The following TRAF7 variants were observed in gnomAD, a reference collection of about 807,000 sequenced individuals.
TRAF7 encodes the protein TNF receptor associated factor 7.
In TRAF7, 45 loss-of-function variants were observed where a neutral mutation model predicts 89.3. The observed-to-expected ratio is 0.50, with a 90% confidence interval of 0.40 to 0.65. The LOEUF (loss-of-function observed/expected upper bound fraction) is 0.65. Ranked by LOEUF, TRAF7 falls within the 30% of genes least tolerant of loss-of-function variation. The probability of loss-of-function intolerance (pLI) is 0.00; values close to 1 mark genes in which losing one functional copy is unlikely to be tolerated. For synonymous variants in TRAF7, 406 were observed against 369.2 expected (o/e 1.10, Z -1.14); for missense variants, 677 against 918.1 (o/e 0.74, Z 3.39).
intron 1 of TRAF7, among the ~76,000 whole-genome samples, chr16:2,160,074 G>A (rs1196210030): frequency 6.6e-6 from 1 of 152,342 alleles, no homozygotes; most frequent in South Asian, 2.1e-4. Context: ...AGGGGCTGGG[G>A]TGGAGGCAGC....
At chr16:2,165,189 G>A (rs1166883813) in intron 2 of TRAF7, among the ~76,000 whole-genome samples, 3 of 141,004 alleles carry the variant, frequency 2.1e-5, no homozygotes, top group African/African-American at 8.3e-5. Flanking sequence ...ATGGTTAAGC[G>A]TGTGAGTGCT....
chr16:2,163,297 C>A lies in TRAF7; in HGVS notation c.-38-586C>A, dbSNP rs1374395529. On this transcript the variant is annotated intron_variant, in intron 1 of 20. Transcript: ENST00000326181. This position sits in a 1 kb window ranked among gnomAD's most constrained non-coding sequence, Gnocchi z 4.3. Reference sequence around the variant, plus strand: ...CTCATCTCTCTCCTGTGCTTTTTTCCGTGCAGTGCGGTTTGTGTGGAGTTG... The same window carrying A: ...CTCATCTCTCTCCTGTGCTTTTTTCAGTGCAGTGCGGTTTGTGTGGAGTTG... Among the ~76,000 whole-genome samples the A allele has an allele frequency of 6.6e-6, 1 of 152,188 alleles. No homozygotes were observed. Among genetic ancestry groups the A allele is most frequent in the Non-Finnish European group, 1.5e-5 (1 of 68,012 alleles).
intron 7 of TRAF7, among the ~76,000 whole-genome samples, chr16:2,171,990 G>A (rs1000559626): frequency 2.0e-5 from 3 of 152,058 alleles, no homozygotes; most frequent in Admixed American, 1.3e-4. Flanking sequence ...ACACTTTTCC[G>A]GGCACAGCTG....
At chr16:2,165,669 G>A (rs1277508861) in intron 2 of TRAF7, among the ~76,000 whole-genome samples, 6 of 148,924 alleles carry the variant, frequency 4.0e-5, no homozygotes, top group South Asian at 2.1e-4. Context: ...TGGCCTGGTC[G>A]CATGGTTAAG....
At position 2,162,933 on chromosome 16, in the gene TRAF7, G is replaced by C. The variant is rs938573360; in HGVS notation, c.-38-950G>C. The stretch of plus-strand genomic sequence containing the variant: ...CAAGTCCTGAAAGTGGGACCTGCTC[G>C]GGAGGAGGGGCGCCTGCTGACAGAG... On this transcript the variant is annotated intron_variant, in intron 1 of 20. Transcript: ENST00000326181. The surrounding 1 kb of genome is among the most constrained non-coding windows in gnomAD (Gnocchi z 5.0). 6.6e-6 allele frequency among the ~76,000 whole-genome samples: 1 copy of C among 152,158 alleles called. No homozygotes were observed. Among genetic ancestry groups the C allele is most frequent in the Non-Finnish European group, 1.5e-5 (1 of 68,000 alleles).
At chr16:2,174,442 C>T (rs1474768626) in intron 14 of TRAF7, 109 bp downstream of exon 14, 3 of 1,090,416 alleles carry the variant, frequency 2.8e-6, no homozygotes, top group African/African-American at 3.1e-5. Context: ...ATGTGTGTGC[C>T]CCACCTATAG....
At chr16:2,173,726 G>A in intron 11 of TRAF7, 62 bp from the exon 12 acceptor site, 1 of 1,600,836 alleles carries the variant, frequency 6.2e-7, no homozygotes, top group South Asian at 1.1e-5. Flanking sequence ...GGGGCAGAGA[G>A]GCTGCACTGG....
intron 2 of TRAF7, among the ~76,000 whole-genome samples, chr16:2,165,234 T>C (rs1226907771): frequency 2.8e-5 from 2 of 70,432 alleles, no homozygotes; most frequent in Non-Finnish European, 5.6e-5. Context: ...TTAAGCGTGT[T>C]AGTGCTACGT....
chr16:2,175,244 C>T (rs2093130648), intron 15 of TRAF7, 57 bp from the exon 16 acceptor site: 2 of 1,612,396 alleles, frequency 1.2e-6, no homozygotes, highest in Admixed American at 1.7e-5. Flanking sequence ...CGTCTGGGCT[C>T]CAGACTCCAG....
chr16:2,171,120 C>T (rs2093107759), intron 5 of TRAF7, 144 bp from the exon 6 acceptor site: 5 of 677,610 alleles, frequency 7.4e-6, no homozygotes, highest in Non-Finnish European at 1.3e-5. Context: ...GATCAAGCCC[C>T]CCAGCTCTAA....
chr16:2,174,367 C>G, intron 14 of TRAF7, 34 bp downstream of exon 14: 1 of 1,605,516 alleles, frequency 6.2e-7, no homozygotes, highest in Non-Finnish European at 8.5e-7. Flanking sequence ...CAGTGATTCC[C>G]AGGACAGGAG....
chr16:2,166,306 G>C (rs564832641), intron 3 of TRAF7, among the ~76,000 whole-genome samples: 2 of 152,184 alleles, frequency 1.3e-5, no homozygotes, highest in Non-Finnish European at 2.9e-5. Flanking sequence ...GAAAGGTCCC[G>C]TGTGCCCGGA....
chr16:2,165,363 T>G (rs2093080609), intron 2 of TRAF7, among the ~76,000 whole-genome samples: 1 of 141,776 alleles, frequency 7.1e-6, no homozygotes, highest in Non-Finnish European at 1.5e-5. Flanking sequence ...GTGTGAGTGC[T>G]GCGTGGCGCG....
intron 19 of TRAF7, 29 bp downstream of exon 19, chr16:2,176,209 G>A (rs763944539): frequency 2.2e-5 from 35 of 1,601,618 alleles, no homozygotes; most frequent in Non-Finnish European, 3.0e-5. Flanking sequence ...GTGGCAGGAG[G>A]CTCAGAGGGC....
At position 2,177,391 on chromosome 16, in the gene TRAF7, C is replaced by T; in HGVS notation, c.*817C>T. 4.3e-6 allele frequency: 1 copy of T among 233,448 alleles called. No individual in the cohort carries two copies. The highest frequency in any genetic ancestry group is 8.5e-6 in the Non-Finnish European group (1 of 118,098). 14.5% of individuals were successfully genotyped at this position (233,448 alleles called of 1,614,324 possible). The stretch of plus-strand genomic sequence containing the variant: ...CCGCCAGCCGCCTCCACCCGCCCCA[C>T]ACCACAATCGCTGGTTTTCGGCATT... On this transcript the variant is annotated 3_prime_UTR_variant, in exon 21 of 21. Transcript: ENST00000326181.
At position 2,175,122 on chromosome 16, in the gene TRAF7, A is replaced by G; in HGVS notation, c.1358A>G (p.Tyr453Cys). The G allele has an allele frequency of 6.2e-7, 1 of 1,613,820 alleles. No homozygotes were observed. Among genetic ancestry groups the G allele is most frequent in the Non-Finnish European group, 8.5e-7 (1 of 1,179,964 alleles). Residue 453 changes from tyrosine (Y) to cysteine (C), a missense_variant, in exon 15 of 21, where the codon TAC becomes TGC. Coordinates refer to ENST00000326181, the MANE Select transcript of TRAF7 (RefSeq NM_032271.3). ...CTCTGCTTCCCCAGGTGCAAACTCT[A>G]CAGCGGCTCTGCAGACTGCACCATC... Reference protein sequence around the residue: ...LALCIQGCKLYSGSADCTIIV... With the variant: ...LALCIQGCKLCSGSADCTIIV...
At position 2,175,922 on chromosome 16, in the gene TRAF7, T is replaced by C. The variant is rs1421625187; in HGVS notation, c.1715T>C (p.Ile572Thr). The change falls in exon 18 of 21, where the codon ATT (isoleucine) becomes ACT (threonine). Residue 572 changes from isoleucine to threonine, a missense_variant. Physicochemically the swap from Ile to Thr is moderately conservative, Grantham distance 89 (BLOSUM62 -1). Coordinates refer to ENST00000326181, the MANE Select transcript of TRAF7 (RefSeq NM_032271.3). ...VYSIAVTNHH[I>T]VCGTYENLIH... ...TCCATTGCTGTGACAAATCACCACA[T>C]TGTCTGTGGCACCTACGAGAACCTC... 6.2e-6 allele frequency: 10 copies of C among 1,613,442 alleles called. No individual in the cohort carries two copies. Among genetic ancestry groups the C allele is most frequent in the Non-Finnish European group, 8.5e-6 (10 of 1,179,984 alleles).
At chr16:2,164,409 C>T (rs1442083859) in intron 2 of TRAF7, among the ~76,000 whole-genome samples, 2 of 143,464 alleles carry the variant, frequency 1.4e-5, no homozygotes, top group African/African-American at 2.6e-5. Context: ...CATGGTTAAG[C>T]GTGTGAGTGC....
In TRAF7 at chr16:2,176,081, G is replaced by T. The variant is rs200632998; in HGVS notation, c.1779G>T (p.Arg593=). ...VWDIESKEQV[R]TLTGHVGTVY... ...ACATTGAGTCCAAGGAGCAGGTGCG[G>T]ACCCTCACGGGCCACGTGGGCACCG... Residue 593 remains arginine, a synonymous_variant, in exon 19 of 21, where the codon CGG becomes CGT. Transcript: ENST00000326181. 3.1e-6 allele frequency: 5 copies of T among 1,610,796 alleles called. No individual in the cohort carries two copies. Among genetic ancestry groups the T allele is most frequent in the Non-Finnish European group, 3.4e-6 (4 of 1,178,860 alleles).
Sources: allele counts gnomAD v4.1 joint callset (sites outside exome capture counted in the v4.1 genomes callset), GRCh38; gene constraint gnomAD v4.1.1; non-coding constraint Gnocchi (gnomAD v3.1); transcripts MANE v1.5; gene names NCBI Gene and HGNC (gene_info 2026-07-23, HGNC 2026-07-21).